The following ACBD6 variants were observed in gnomAD, a reference collection of about 807,000 sequenced individuals.
ACBD6 encodes the protein acyl-CoA-binding domain-containing protein 6.
ACBD6 carries 28 observed loss-of-function variants against 37.2 expected under a neutral mutation model. The observed-to-expected ratio is 0.75, with a 90% CI of 0.56 to 1.03. The LOEUF is 1.03. ACBD6 is among the 50% of genes least tolerant of loss of function. The pLI, the probability that ACBD6 is intolerant of heterozygous loss-of-function variation, is 0.00. For synonymous variants in ACBD6, 113 were observed against 126.8 expected, an observed-to-expected ratio of 0.89 and a Z score of 0.73; for missense variants, 340 against 337.4, an observed-to-expected ratio of 1.01 and a Z score of -0.06.
intron 10 of ACBD6, chr1:180,274,288 G>T (rs1648887085): frequency 6.2e-7 from 1 of 1,614,230 alleles, no homozygotes; most frequent in Non-Finnish European, 8.5e-7. Flanking sequence ...CCATGGACGG[G>T]ACAGGACAAT....
intron 6 of ACBD6, among the ~76,000 whole-genome samples, chr1:180,381,107 G>C (rs923656945): frequency 1.2e-4 from 18 of 152,004 alleles, no homozygotes; most frequent in Admixed American, 1.1e-3. Flanking sequence ...GTCAAAACCA[G>C]TAAAAAGAGA....
intron 6 of ACBD6, among the ~76,000 whole-genome samples, chr1:180,360,227 A>G (rs1652796763): frequency 6.6e-6 from 1 of 152,180 alleles, no homozygotes; most frequent in African/African-American, 2.4e-5. Context: ...TCCCCCCTTC[A>G]GACTGGGTTT....
chr1:180,501,921 A>AAAAC, intron 1 of ACBD6, 124 bp downstream of exon 1: 1 of 959,276 alleles, frequency 1.0e-6, no homozygotes, highest in Non-Finnish European at 1.6e-6. Context: ...AAAAAAAACA[A>AAAAC]AACAAAATAC....
At chr1:180,369,241 G>GT (rs1390205857) in intron 6 of ACBD6, among the ~76,000 whole-genome samples, 3 of 152,186 alleles carry the variant, frequency 2.0e-5, no homozygotes, top group Admixed American at 6.5e-5. Context: ...CCTCACAGAC[G>GT]TGAGTATAGA....
At chr1:180,277,316 G>A (rs6704010) in intron 9 of ACBD6, 110,301 of 152,090 alleles carry the variant, frequency 0.73, 40,135 homozygotes, top group East Asian at 0.96. Flanking sequence ...GCACTCCTCT[G>A]TTGCTTGGAA....
chr1:180,436,396 T>C (rs1199883620), intron 3 of ACBD6, among the ~76,000 whole-genome samples: 2 of 152,194 alleles, frequency 1.3e-5, no homozygotes, highest in Admixed American at 1.3e-4. Context: ...CATGACCTGT[T>C]CCCACCCCAG....
chr1:180,492,550 C>T (rs1420987924), intron 2 of ACBD6, among the ~76,000 whole-genome samples, 185 bp from the exon 3 acceptor site: 1 of 152,096 alleles, frequency 6.6e-6, no homozygotes, highest in African/African-American at 2.4e-5. Context: ...ACCTTATTGC[C>T]CTACCTAAGC....
In ACBD6 at chr1:180,502,164, C is replaced by T; in HGVS notation, c.103G>A (p.Glu35Lys). The T allele has an allele frequency of 6.2e-7, 1 of 1,614,146 alleles. No homozygotes were observed. The part of the protein sequence containing the change: ...SGEVEFPHSP[E>K]IEETSCLAEL... ...GCCAGGCAACTGGTCTCCTCGATCTCAGGGCTATGGGGGAACTCCACCTCC... is the reference window on the plus strand; with the variant it reads ...GCCAGGCAACTGGTCTCCTCGATCTTAGGGCTATGGGGGAACTCCACCTCC... The change falls in exon 1 of 8, where the codon GAG becomes AAG. Residue 35 changes from glutamate to lysine, a missense_variant. Glu to Lys is a moderately conservative substitution (Grantham distance 56, BLOSUM62 1). Transcript: ENST00000367595.
chr1:180,270,291 A>G (rs1267450359), exon 14 of ACBD6: 1 of 152,306 alleles, frequency 6.6e-6, no homozygotes, highest in East Asian at 1.9e-4. Context: ...TTGAATGGAA[A>G]GAAAGGAGAA....
intron 6 of ACBD6, among the ~76,000 whole-genome samples, chr1:180,317,436 T>A (rs1426977177): frequency 6.6e-6 from 1 of 152,164 alleles, no homozygotes; most frequent in African/African-American, 2.4e-5. Context: ...TGGTGATAAC[T>A]GCACAATAAT....
chr1:180,386,106 G>A (rs911754431), intron 6 of ACBD6, among the ~76,000 whole-genome samples: 4 of 152,246 alleles, frequency 2.6e-5, no homozygotes, highest in African/African-American at 9.6e-5. Flanking sequence ...AGTGGCAGAG[G>A]TTGCAGTGAG....
chr1:180,453,263 T>C (rs554212494), intron 3 of ACBD6, among the ~76,000 whole-genome samples: 1 of 152,320 alleles, frequency 6.6e-6, no homozygotes, highest in Admixed American at 6.5e-5. Flanking sequence ...TGGTTCAACA[T>C]ATGCAAATCA....
At chr1:180,320,224 G>A (rs1651013566) in intron 6 of ACBD6, among the ~76,000 whole-genome samples, 1 of 152,186 alleles carries the variant, frequency 6.6e-6, no homozygotes, top group African/African-American at 2.4e-5. Context: ...ATACGTCATT[G>A]TATTTTGATT....
intron 6 of ACBD6, among the ~76,000 whole-genome samples, chr1:180,364,750 T>TC (rs1463061473): frequency 1.1e-4 from 17 of 151,204 alleles, no homozygotes; most frequent in Non-Finnish European, 1.5e-4. Flanking sequence ...TTTTTTTTTT[T>TC]TGAGATGGAG....
intron 6 of ACBD6, among the ~76,000 whole-genome samples, chr1:180,392,719 T>C (rs180849861): frequency 3.9e-4 from 57 of 147,172 alleles, no homozygotes; most frequent in Admixed American, 1.5e-3. Flanking sequence ...ATACATACTA[T>C]GTAATGGGAT....
intron 6 of ACBD6, among the ~76,000 whole-genome samples, chr1:180,334,065 C>T (rs1306910129): frequency 6.6e-6 from 1 of 152,206 alleles, no homozygotes; most frequent in East Asian, 1.9e-4. Flanking sequence ...GGCCTGCCTG[C>T]CTCTGTAGAC....
chr1:180,292,737 G>C (rs980300557), intron 7 of ACBD6, among the ~76,000 whole-genome samples: 2 of 151,732 alleles, frequency 1.3e-5, no homozygotes, highest in Non-Finnish European at 2.9e-5. Context: ...TTGCCTTAAT[G>C]CATTGGCTAG....
At chr1:180,453,760 A>C (rs751222904) in intron 3 of ACBD6, among the ~76,000 whole-genome samples, 1 of 152,216 alleles carries the variant, frequency 6.6e-6, no homozygotes, top group African/African-American at 2.4e-5. Flanking sequence ...ATAATAGACA[A>C]ACAGAGAGCC....
Position 180,330,888 on chromosome 1 carries a change from A to T in ACBD6, c.664-16166T>A, listed in dbSNP as rs539485012. 2.0e-5 allele frequency among the ~76,000 whole-genome samples: 3 copies of T among 152,328 alleles called. No individual in the cohort carries two copies. In the South Asian group the frequency reaches 6.2e-4, roughly 32 times the overall value. ...ACACGGTGGTCTTCTAATCATTCAG[A>T]CTCACAAAACTACTGTTGGGTACAA... On this transcript the variant is annotated intron_variant, in intron 6 of 7. Coordinates refer to ENST00000367595, the MANE Select transcript of ACBD6 (RefSeq NM_032360.4).
Sources: allele counts gnomAD v4.1 joint callset (sites outside exome capture counted in the v4.1 genomes callset), GRCh38; gene constraint gnomAD v4.1.1; transcripts MANE v1.5; gene names NCBI Gene and HGNC (gene_info 2026-07-23, HGNC 2026-07-21).